CRACR2A: variants seen among roughly 807,000 people sequenced by gnomAD.
The protein encoded by CRACR2A is EF-hand calcium-binding domain-containing protein 4B.
A neutral mutation model predicts 90.5 loss-of-function variants in CRACR2A; 79 were observed. That is an observed-to-expected ratio of 0.87 (90% CI 0.73 to 1.05). The LOEUF is 1.05. Ranked by LOEUF, CRACR2A falls within the 50% of genes least tolerant of loss-of-function variation. The pLI is 0.00. For synonymous variants in CRACR2A, 338 were observed against 356.7 expected (o/e 0.95, Z 0.59); for missense variants, 823 against 897.2 (o/e 0.92, Z 1.06).
rs1232170598 is a variant in CRACR2A at position 3,746,812 on chromosome 12, G to C, written c.-387+6203C>G. The stretch of plus-strand genomic sequence containing the variant: ...CAACAAGTTGTGAAGGACCAACAAG[G>C]GGAGGAGTACATCTCAACAAGTTGG... On this transcript the variant is annotated intron_variant, in intron 1 of 19. Transcript: ENST00000440314. The surrounding 1 kb of genome is among the most constrained non-coding windows in gnomAD (Gnocchi z 4.4). Among the ~76,000 whole-genome samples, 1 of 152,152 alleles carries C rather than the reference G, an allele frequency of 6.6e-6. No homozygotes were observed. The highest frequency in any genetic ancestry group is 1.5e-5 in the Non-Finnish European group (1 of 68,008).
chr12:3,747,186 A>T (rs930755984), intron 1 of CRACR2A, among the ~76,000 whole-genome samples: 5 of 152,216 alleles, frequency 3.3e-5, no homozygotes, highest in Non-Finnish European at 7.3e-5. Context: ...GCCTCTTATC[A>T]GCTGTGTGAC....
At chr12:3,647,807 C>T (rs1339078159) in intron 11 of CRACR2A, 7 of 966,110 alleles carry the variant, frequency 7.2e-6, no homozygotes, top group Non-Finnish European at 1.2e-6. Flanking sequence ...AACCCAAAGT[C>T]CTTCTGTTTC....
At chr12:3,689,375 C>T (rs984106739) in intron 4 of CRACR2A, among the ~76,000 whole-genome samples, 3 of 152,118 alleles carry the variant, frequency 2.0e-5, no homozygotes, top group African/African-American at 2.4e-5. Flanking sequence ...CCTTCAATAC[C>T]TAGTTTGTTG....
chr12:3,749,642 C>A (rs1220392624), intron 1 of CRACR2A, among the ~76,000 whole-genome samples: 1 of 152,178 alleles, frequency 6.6e-6, no homozygotes, highest in East Asian at 1.9e-4. Flanking sequence ...TGACCCTGTA[C>A]TTGGACGGAA....
chr12:3,654,807 T>G (rs941323304), intron 9 of CRACR2A, among the ~76,000 whole-genome samples: 4 of 152,218 alleles, frequency 2.6e-5, no homozygotes, highest in African/African-American at 9.6e-5. Context: ...AATGGCCTGC[T>G]TCATAAAACC....
chr12:3,659,501 G>T (rs1944984132), intron 8 of CRACR2A, 63 bp downstream of exon 8: 3 of 1,471,142 alleles, frequency 2.0e-6, no homozygotes, highest in Non-Finnish European at 2.8e-6. Flanking sequence ...TCTTAAACCT[G>T]GGGGAGACAG....
intron 13 of CRACR2A, among the ~76,000 whole-genome samples, chr12:3,640,012 TG>T (rs1944536027): frequency 6.6e-6 from 1 of 152,262 alleles, no homozygotes; most frequent in Non-Finnish European, 1.5e-5. Context: ...ACACAGAGCA[TG>T]TTTTTTCAAA....
At chr12:3,653,715 G>C (rs1376392440) in intron 10 of CRACR2A, among the ~76,000 whole-genome samples, 3 of 152,180 alleles carry the variant, frequency 2.0e-5, no homozygotes, top group Admixed American at 2.0e-4. Flanking sequence ...GGCGAGTCCA[G>C]GGCAGTGACA....
chr12:3,641,073 C>T (rs749062621), intron 13 of CRACR2A, among the ~76,000 whole-genome samples: 31 of 152,160 alleles, frequency 2.0e-4, no homozygotes, highest in African/African-American at 5.3e-4. Flanking sequence ...TGGCCGGGCA[C>T]GGTGGCTCAC....
intron 3 of CRACR2A, among the ~76,000 whole-genome samples, chr12:3,708,272 A>G (rs1945958053): frequency 2.0e-5 from 3 of 152,282 alleles, no homozygotes; most frequent in Admixed American, 2.0e-4. Context: ...CTGCCTCCAG[A>G]GGGGACAAAC....
intron 6 of CRACR2A, among the ~76,000 whole-genome samples, chr12:3,675,971 A>G (rs1945329054): frequency 6.6e-6 from 1 of 152,096 alleles, no homozygotes; most frequent in African/African-American, 2.4e-5. Context: ...CCACTGAGAA[A>G]TAGGCCCACC....
rs17836183 is a variant in CRACR2A at position 3,627,774 on chromosome 12, C to T, written c.1736-68G>A. On this transcript the variant is annotated intron_variant, in intron 15 of 19. Transcript: ENST00000440314. ...GGCACCTCACTTCCAAATCAGGAAACAATGCTTCCAACATCTGAAATCACA... is the reference window on the plus strand; with the variant it reads ...GGCACCTCACTTCCAAATCAGGAAATAATGCTTCCAACATCTGAAATCACA... The T allele has an allele frequency of 0.17, 248,790 of 1,433,278 alleles. 23,406 individuals carry two copies. Among genetic ancestry groups the T allele is most frequent in the East Asian group, 0.33 (13,214 of 40,260 alleles). 88.8% of individuals were successfully genotyped at this position (1,433,278 alleles called of 1,614,324 possible). A position where few individuals can be genotyped will look rare whatever the true frequency, so the allele number is the denominator to read the frequency against.
intron 6 of CRACR2A, among the ~76,000 whole-genome samples, chr12:3,675,903 A>T (rs1945327660): frequency 6.6e-6 from 1 of 152,118 alleles, no homozygotes; most frequent in African/African-American, 2.4e-5. Flanking sequence ...CAATAGTGCC[A>T]TGCTAGCAAC....
At chr12:3,644,483 C>T in intron 12 of CRACR2A, 112 bp downstream of exon 12, 2 of 1,156,996 alleles carry the variant, frequency 1.7e-6, no homozygotes, top group East Asian at 5.2e-5. Context: ...GTCATCCTGC[C>T]AAATAGATCC....
At chr12:3,737,626 T>A (rs1591722614) in intron 1 of CRACR2A, among the ~76,000 whole-genome samples, 1 of 151,862 alleles carries the variant, frequency 6.6e-6, no homozygotes, top group Non-Finnish European at 1.5e-5. Context: ...CAGAAGTAGG[T>A]GCAGGTAAAG....
At position 3,619,288 on chromosome 12, in the gene CRACR2A, C is replaced by T. The variant is rs368994549; in HGVS notation, c.2017G>A (p.Gly673Arg). ...EKEREVPRGL[G>R]EQLATENNLI... ...CTCTTTACCGTGGCAAGCTGCTCTC[C>T]GAGGCCCCGGGGGACTTCCCGCTCC... The change falls in exon 18 of 20, where the codon GGA becomes AGA. Residue 673 changes from glycine (G) to arginine (R), a missense_variant. By Grantham distance (125) the Gly-to-Arg change is moderately radical (BLOSUM62 -2). Coordinates refer to ENST00000440314, the MANE Select transcript of CRACR2A (RefSeq NM_001144958.2). The T allele has an allele frequency of 3.6e-5, 56 of 1,551,606 alleles. No homozygotes were observed. The highest frequency in any genetic ancestry group is 1.7e-4 in the Middle Eastern group (1 of 5,992).
chr12:3,692,395 T>C (rs1945662875), intron 4 of CRACR2A, among the ~76,000 whole-genome samples: 1 of 151,996 alleles, frequency 6.6e-6, no homozygotes, highest in Non-Finnish European at 1.5e-5. Context: ...TCTGGAAGAT[T>C]TTAGGGGGCC....
intron 18 of CRACR2A, 100 bp downstream of exon 18, chr12:3,619,171 G>T: frequency 1.1e-6 from 1 of 896,714 alleles, no homozygotes; most frequent in Non-Finnish European, 1.7e-6. Flanking sequence ...TCCTTCCCAT[G>T]GCACTTCCAG....
At chr12:3,737,715 T>C (rs961461471) in intron 1 of CRACR2A, among the ~76,000 whole-genome samples, 1 of 152,170 alleles carries the variant, frequency 6.6e-6, no homozygotes, top group African/African-American at 2.4e-5. Context: ...GAAGGAGCAG[T>C]TGAGGCCAGC....
Sources: allele counts gnomAD v4.1 joint callset (sites outside exome capture counted in the v4.1 genomes callset), GRCh38; gene constraint gnomAD v4.1.1; non-coding constraint Gnocchi (gnomAD v3.1); transcripts MANE v1.5; gene names NCBI Gene and HGNC (gene_info 2026-07-23, HGNC 2026-07-21).